The following EYS variants were observed in gnomAD, a reference collection of about 807,000 sequenced individuals.
EYS encodes EGF-like photoreceptor maintenance factor, also known as protein eyes shut homolog.
In EYS, 250 loss-of-function variants were observed where a neutral mutation model predicts 282.1. That is an observed-to-expected ratio of 0.89 (90% CI 0.80 to 0.98). EYS has a LOEUF of 0.98. Among genes scored for constraint, EYS ranks in the 50% least tolerant of loss-of-function variants. The pLI is 0.00. For synonymous variants in EYS, 1,355 were observed against 1,282.9 expected (o/e 1.06, Z -1.20); for missense variants, 4,016 against 3,709.0 (o/e 1.08, Z -2.15).
chr6:64,648,465 G>C (rs1467973623), intron 22 of EYS, among the ~76,000 whole-genome samples: 1 of 152,004 alleles, frequency 6.6e-6, no homozygotes, highest in Non-Finnish European at 1.5e-5. Context: ...ATAACTTCTT[G>C]GTAAGAGAAA....
At chr6:64,033,447 T>A (rs1211841185) in intron 33 of EYS, among the ~76,000 whole-genome samples, 4 of 152,170 alleles carry the variant, frequency 2.6e-5, no homozygotes. Context: ...ATTCAAGAAA[T>A]AATTTTCATC....
chr6:64,085,093 C>T (rs1772098216), intron 31 of EYS, among the ~76,000 whole-genome samples: 2 of 152,024 alleles, frequency 1.3e-5, no homozygotes, highest in South Asian at 4.2e-4. Context: ...CACTGTAACC[C>T]CCGCCTCCCG....
intron 22 of EYS, among the ~76,000 whole-genome samples, chr6:64,649,629 C>G (rs1016916669): frequency 6.6e-6 from 1 of 152,130 alleles, no homozygotes; most frequent in Admixed American, 6.6e-5. Context: ...TGAGCCACCA[C>G]GCCCAGCCAA....
At chr6:65,570,014 G>A (rs935979801) in intron 2 of EYS, among the ~76,000 whole-genome samples, 1 of 152,006 alleles carries the variant, frequency 6.6e-6, no homozygotes, top group African/African-American at 2.4e-5. Flanking sequence ...AGGGAAAGAG[G>A]AGTCAGCCAT....
intron 15 of EYS, among the ~76,000 whole-genome samples, chr6:64,925,861 T>A (rs1043712416): frequency 1.3e-5 from 2 of 152,082 alleles, no homozygotes; most frequent in East Asian, 3.9e-4. Context: ...GGGCCCCTAA[T>A]GGTGGGTGCA....
chr6:63,986,450 C>G (rs138047115), intron 34 of EYS, among the ~76,000 whole-genome samples: 1 of 151,802 alleles, frequency 6.6e-6, no homozygotes, highest in Admixed American at 6.6e-5. Flanking sequence ...ATCAGTCATT[C>G]TACCATAAAG....
intron 36 of EYS, among the ~76,000 whole-genome samples, chr6:63,812,531 C>G (rs1031087820): frequency 2.0e-5 from 3 of 152,252 alleles, no homozygotes; most frequent in Admixed American, 6.5e-5. Context: ...TATTTTTTCT[C>G]CCCACTCAGA....
intron 40 of EYS, among the ~76,000 whole-genome samples, chr6:63,766,954 C>T (rs1211522320): frequency 6.6e-6 from 1 of 151,954 alleles, no homozygotes; most frequent in African/African-American, 2.4e-5. Context: ...ATTTGATTCA[C>T]CACATAAATA....
chr6:65,045,585 G>A (rs2150151586), intron 13 of EYS, among the ~76,000 whole-genome samples: 1 of 151,956 alleles, frequency 6.6e-6, no homozygotes, highest in Middle Eastern at 3.4e-3. Flanking sequence ...TGCCATGTCA[G>A]GTTACAGTGA....
At chr6:65,039,008 C>A (rs919638819) in intron 13 of EYS, among the ~76,000 whole-genome samples, 1 of 151,300 alleles carries the variant, frequency 6.6e-6, no homozygotes, top group African/African-American at 2.4e-5. Context: ...CATTGGTGAG[C>A]AAAAATTTTA....
At chr6:64,206,427 T>C (rs1190267081) in intron 31 of EYS, among the ~76,000 whole-genome samples, 2 of 152,230 alleles carry the variant, frequency 1.3e-5, no homozygotes, top group Non-Finnish European at 2.9e-5. Flanking sequence ...ACAACTTATT[T>C]TTGATTCTCT....
At chr6:65,164,225 GTATGA>G (rs1764916145) in intron 12 of EYS, among the ~76,000 whole-genome samples, 1 of 151,236 alleles carries the variant, frequency 6.6e-6, no homozygotes, top group Non-Finnish European at 1.5e-5. Context: ...ATGGCTTGGA[GTATGA>G]TATATTTCGG....
At chr6:65,629,933 T>C (rs1244394307) in intron 2 of EYS, among the ~76,000 whole-genome samples, 2 of 152,126 alleles carry the variant, frequency 1.3e-5, no homozygotes, top group African/African-American at 4.8e-5. Flanking sequence ...AGAAGACAAA[T>C]TCTCAAATTC....
chr6:65,449,312 T>C (rs1169704484), intron 5 of EYS, among the ~76,000 whole-genome samples: 6 of 152,112 alleles, frequency 3.9e-5, no homozygotes, highest in Admixed American at 1.3e-4. Flanking sequence ...ATTTCCCTTA[T>C]TGGGATGCAT....
At chr6:64,276,952 T>C (rs79432042) in intron 30 of EYS, among the ~76,000 whole-genome samples, 4,549 of 152,236 alleles carry the variant, frequency 0.03, 214 homozygotes, top group African/African-American at 0.1. Context: ...AAAAATTTAG[T>C]GCTCATGAAA....
chr6:65,691,698 G>C (rs9445565), intron 1 of EYS, among the ~76,000 whole-genome samples: 2,804 of 150,326 alleles, frequency 0.019, 162 homozygotes, highest in African/African-American at 0.065. Flanking sequence ...TTTTCTTCTA[G>C]GGCTTTAGGG....
At chr6:65,450,894 A>G (rs528466801) in intron 5 of EYS, among the ~76,000 whole-genome samples, 42 of 152,154 alleles carry the variant, frequency 2.8e-4, no homozygotes, top group Non-Finnish European at 5.6e-4. Flanking sequence ...TTTCTGAGAA[A>G]CTCAAAACTC....
intron 26 of EYS, among the ~76,000 whole-genome samples, chr6:64,452,641 G>T (rs918569902): frequency 2.0e-5 from 3 of 152,220 alleles, no homozygotes; most frequent in African/African-American, 7.2e-5. Flanking sequence ...AAACAGCATG[G>T]TACTGGTACC....
intron 1 of EYS, among the ~76,000 whole-genome samples, chr6:65,653,291 T>C (rs992909355): frequency 2.6e-4 from 40 of 151,942 alleles, no homozygotes; most frequent in African/African-American, 9.4e-4. Context: ...GAACAAATCA[T>C]TGGTCAAACA....
Sources: gnomAD v4.1 joint callset for allele counts (sites outside exome capture counted in the v4.1 genomes callset) on GRCh38, gnomAD v4.1.1 for gene constraint, MANE v1.5 for transcripts, NCBI Gene and HGNC (gene_info 2026-07-23, HGNC 2026-07-21) for gene names.